Variants in ATRNL1 observed in about 807,000 individuals in gnomAD.
ATRNL1 encodes attractin like 1, also known as attractin-like protein 1.
A neutral mutation model predicts 182.7 loss-of-function variants in ATRNL1; 95 were observed. The ratio of observed to expected loss-of-function variants is 0.52; its 90% CI spans 0.44 to 0.62. The LOEUF is 0.62. Among genes scored for constraint, ATRNL1 ranks in the 20% least tolerant of loss-of-function variants. The pLI is 0.00. For missense variants in ATRNL1, 1,471 were observed against 1,679.5 expected (o/e 0.88, Z 2.17); for synonymous variants, 576 against 568.3 (o/e 1.01, Z -0.19).
chr10:115,912,237 A>G (rs552038467), intron 28 of ATRNL1, among the ~76,000 whole-genome samples: 30 of 152,328 alleles, frequency 2.0e-4, no homozygotes, highest in African/African-American at 6.5e-4. Flanking sequence ...GCTCACAGAA[A>G]TCAATTAAGG....
intron 21 of ATRNL1, among the ~76,000 whole-genome samples, chr10:115,442,295 C>G (rs1156413179): frequency 7.6e-6 from 1 of 132,318 alleles, no homozygotes; most frequent in Non-Finnish European, 1.8e-5. Flanking sequence ...CTCTCTCTCT[C>G]TCTCTCTCTG....
intron 18 of ATRNL1, among the ~76,000 whole-genome samples, chr10:115,323,412 C>G (rs1554932120): frequency 1.2e-5 from 1 of 81,860 alleles, no homozygotes; most frequent in African/African-American, 5.2e-5. Flanking sequence ...TCCCTCCCCT[C>G]CCCTCCCCTC....
In ATRNL1 at chr10:115,788,189, A is replaced by T. The variant is rs145372777; in HGVS notation, c.3904-59688A>T. Among the ~76,000 whole-genome samples the T allele has an allele frequency of 2.6e-5, 4 of 152,352 alleles. No homozygotes were observed. The East Asian group carries it at 7.7e-4, about 29-fold the overall frequency. On this transcript the variant is annotated intron_variant, in intron 27 of 28. Transcript: ENST00000355044. ...TTCTATGCAGAAAATGCATCCTCTG[A>T]GTTGATACTGGGTTTCGAGTAACAT... is the stretch of plus-strand genomic sequence containing the variant.
intron 27 of ATRNL1, among the ~76,000 whole-genome samples, chr10:115,823,639 A>G (rs1275089593): frequency 1.3e-5 from 2 of 152,202 alleles, no homozygotes; most frequent in Non-Finnish European, 2.9e-5. Context: ...AATAATAGAC[A>G]AACAGAGAAC....
chr10:115,838,111 TC>T (rs1272503103), intron 27 of ATRNL1, among the ~76,000 whole-genome samples: 3 of 152,158 alleles, frequency 2.0e-5, no homozygotes, highest in Non-Finnish European at 2.9e-5. Context: ...ACACAAAAGT[TC>T]AATAATTTAT....
intron 26 of ATRNL1, among the ~76,000 whole-genome samples, chr10:115,644,477 C>G (rs1339132207): frequency 1.3e-5 from 2 of 152,242 alleles, no homozygotes; most frequent in Middle Eastern, 6.8e-3. Context: ...GAGTAACTTG[C>G]TCAAGGTCGC....
intron 8 of ATRNL1, among the ~76,000 whole-genome samples, chr10:115,188,267 A>G (rs1248135452): frequency 6.6e-6 from 1 of 152,104 alleles, no homozygotes; most frequent in Non-Finnish European, 1.5e-5. Flanking sequence ...GTTTTTTCAT[A>G]TTTGGTTATG....
intron 26 of ATRNL1, among the ~76,000 whole-genome samples, chr10:115,723,131 G>A (rs1383427862): frequency 1.3e-5 from 2 of 152,164 alleles, no homozygotes; most frequent in African/African-American, 2.4e-5. Flanking sequence ...GAAAAGCATG[G>A]AGACATAAAG....
At chr10:115,650,305 G>A (rs776194126) in intron 26 of ATRNL1, among the ~76,000 whole-genome samples, 5 of 152,090 alleles carry the variant, frequency 3.3e-5, no homozygotes, top group Non-Finnish European at 5.9e-5. Context: ...GGACATGATT[G>A]TTCAACATCT....
intron 1 of ATRNL1, among the ~76,000 whole-genome samples, chr10:115,102,159 C>T (rs897880476): frequency 2.6e-5 from 4 of 152,038 alleles, no homozygotes; most frequent in Admixed American, 1.3e-4. Flanking sequence ...ATCTGTTTAT[C>T]CTTCATGTAT....
At chr10:115,212,121 C>T (rs1849050181) in intron 8 of ATRNL1, among the ~76,000 whole-genome samples, 1 of 151,540 alleles carries the variant, frequency 6.6e-6, no homozygotes, top group South Asian at 2.1e-4. Context: ...TATGATTGAT[C>T]TTGTCACACA....
chr10:115,748,365 T>G (rs1354422291), intron 27 of ATRNL1, among the ~76,000 whole-genome samples: 1 of 151,164 alleles, frequency 6.6e-6, no homozygotes, highest in Non-Finnish European at 1.5e-5. Flanking sequence ...TTTTTTTTTT[T>G]GCCTCTCTGT....
At chr10:115,423,378 CA>C (rs1301216649) in intron 20 of ATRNL1, among the ~76,000 whole-genome samples, 2 of 151,772 alleles carry the variant, frequency 1.3e-5, no homozygotes, top group African/African-American at 4.8e-5. Context: ...AAGAAAAATA[CA>C]AAAAGCTAGC....
chr10:115,442,394 C>T (rs1332182739), intron 21 of ATRNL1, among the ~76,000 whole-genome samples: 2 of 151,658 alleles, frequency 1.3e-5, no homozygotes, highest in Non-Finnish European at 2.9e-5. Flanking sequence ...ATTTGCTTCT[C>T]ATTTTTCATT....
rs1186212488 is a variant in ATRNL1, at chr10:115,620,021, C to T, written c.3795+70485C>T. ...TTAGTCGTTTTGTTAATCCATTTCA[C>T]GTTATAAAGGAATACCTAAGGCTGG... is the stretch of plus-strand genomic sequence containing the variant. On this transcript the variant is annotated intron_variant, in intron 26 of 28. Transcript: ENST00000355044. Among the ~76,000 whole-genome samples the T allele has an allele frequency of 2.6e-5, 4 of 152,226 alleles. No homozygotes were observed. In the South Asian group the frequency reaches 6.2e-4, roughly 24 times the overall value.
At chr10:115,744,511 T>A (rs975594894) in intron 27 of ATRNL1, among the ~76,000 whole-genome samples, 1 of 152,134 alleles carries the variant, frequency 6.6e-6, no homozygotes, top group East Asian at 1.9e-4. Flanking sequence ...TACAATAACA[T>A]GCAAATGATG....
At chr10:115,470,046 T>G (rs1342694508) in intron 24 of ATRNL1, among the ~76,000 whole-genome samples, 2 of 150,542 alleles carry the variant, frequency 1.3e-5, no homozygotes, top group African/African-American at 4.8e-5. Context: ...ATATCAATCC[T>G]TGTTCATGGC....
At chr10:115,128,499 A>G in intron 4 of ATRNL1, 1 of 670,840 alleles carries the variant, frequency 1.5e-6, no homozygotes, top group Non-Finnish European at 1.8e-6. Context: ...TTATCCTACA[A>G]CGTATCCAAG....
At chr10:115,455,285 G>A (rs1554968477) in intron 21 of ATRNL1, among the ~76,000 whole-genome samples, 13 of 152,012 alleles carry the variant, frequency 8.6e-5, no homozygotes, top group Non-Finnish European at 1.5e-5. Flanking sequence ...GTTGAACTTG[G>A]CTTGGTAGAC....
Sources: gnomAD v4.1 joint callset for allele counts (sites outside exome capture counted in the v4.1 genomes callset) on GRCh38, gnomAD v4.1.1 for gene constraint, MANE v1.5 for transcripts, NCBI Gene and HGNC (gene_info 2026-07-23, HGNC 2026-07-21) for gene names.